Variants in ZUP1 observed in about 807,000 individuals in gnomAD.
ZUP1 encodes the protein zinc finger containing ubiquitin peptidase 1, also known as zinc finger-containing ubiquitin peptidase 1.
In ZUP1, 55 loss-of-function variants were observed where a neutral mutation model predicts 68.1. The ratio of observed to expected loss-of-function variants is 0.81; its 90% confidence interval spans 0.65 to 1.01. ZUP1 has a LOEUF of 1.01. Ranked by LOEUF, ZUP1 falls within the 50% of genes least tolerant of loss-of-function variation. The pLI is 0.00. For synonymous variants in ZUP1, 223 were observed against 221.5 expected (o/e 1.01, Z -0.06); for missense variants, 684 against 674.9 (o/e 1.01, Z -0.15).
intron 6 of ZUP1, 24 bp downstream of exon 6, chr6:116,651,980 T>C: frequency 6.2e-7 from 1 of 1,609,044 alleles, no homozygotes; most frequent in South Asian, 1.1e-5. Context: ...AGATGACAAG[T>C]TCAGAGTACT....
chr6:116,661,932 A>G (rs1776855255), intron 2 of ZUP1, among the ~76,000 whole-genome samples: 1 of 152,264 alleles, frequency 6.6e-6, no homozygotes, highest in Non-Finnish European at 1.5e-5. Context: ...ATGGAGCTAC[A>G]GTAATCCATA....
At chr6:116,641,839 C>A (rs1322291325) in intron 9 of ZUP1, among the ~76,000 whole-genome samples, 4 of 152,064 alleles carry the variant, frequency 2.6e-5, no homozygotes, top group Non-Finnish European at 4.4e-5. Flanking sequence ...TAACTAAAAT[C>A]AGAGCAGAAC....
chr6:116,658,144 T>A (rs1263068462), intron 4 of ZUP1, among the ~76,000 whole-genome samples: 2 of 152,070 alleles, frequency 1.3e-5, no homozygotes, highest in Non-Finnish European at 2.9e-5. Flanking sequence ...ATGAGCATTA[T>A]TAGCACAGAT....
chr6:116,644,025 A>G (rs1436131966), intron 9 of ZUP1, among the ~76,000 whole-genome samples: 1 of 152,230 alleles, frequency 6.6e-6, no homozygotes, highest in South Asian at 2.1e-4. Context: ...AAAAGTGGGC[A>G]AACGATATGA....
At position 116,656,847 on chromosome 6, in the gene ZUP1, T is replaced by C; in HGVS notation, c.798A>G (p.Gln266=). The change falls in exon 5 of 10, where the codon CAA becomes CAG. Residue 266 remains glutamine, a synonymous_variant. Coordinates refer to ENST00000368576, the MANE Select transcript of ZUP1 (RefSeq NM_145062.3). ...ATCCTCCAGAATTATCTAAACCATATTGTCTCTATTGAACATAAAAATAAA... is the reference window on the plus strand; with the variant it reads ...ATCCTCCAGAATTATCTAAACCATACTGTCTCTATTGAACATAAAAATAAA... ...EIEEFQKLQR[Q]YGLDNSGGYK... The C allele has an allele frequency of 4.4e-6, 7 of 1,588,674 alleles. No individual in the cohort carries two copies. Among genetic ancestry groups the C allele is most frequent in the Non-Finnish European group, 6.0e-6 (7 of 1,166,606 alleles).
At chr6:116,636,371 C>T (rs1775910395) in intron 9 of ZUP1, among the ~76,000 whole-genome samples, 1 of 152,024 alleles carries the variant, frequency 6.6e-6, no homozygotes, top group Non-Finnish European at 1.5e-5. Context: ...GCTGAGAATA[C>T]AAGGATGACA....
chr6:116,666,524 T>C lies in ZUP1; in HGVS notation c.559+110A>G, dbSNP rs1024998806. 1.6e-5 allele frequency: 12 copies of C among 771,566 alleles called. No homozygotes were observed. In the South Asian group the frequency reaches 1.8e-4, roughly 12 times the overall value. The allele number at this position is 771,566 out of a possible 1,614,324, so 47.8% of individuals were successfully genotyped here. ...AATGAAAAATGTTATAGACATAAAA[T>C]GGATTTCAAAACACATCTGTAGTAA... On this transcript the variant is annotated intron_variant, in intron 2 of 9. Transcript: ENST00000368576.
At chr6:116,650,245 A>C (rs1261589130) in intron 7 of ZUP1, among the ~76,000 whole-genome samples, 1 of 151,980 alleles carries the variant, frequency 6.6e-6, no homozygotes, top group African/African-American at 2.4e-5. Context: ...AACATGGTGA[A>C]ACCTCGTCTC....
chr6:116,667,128 A>G lies in ZUP1; in HGVS notation c.65T>C (p.Ile22Thr), dbSNP rs757135111. 6.2e-7 allele frequency: 1 copy of G among 1,612,998 alleles called. No homozygotes were observed. The highest frequency in any genetic ancestry group is 8.5e-7 in the Non-Finnish European group (1 of 1,179,470). The change falls in exon 2 of 10, where the codon ATT (isoleucine) becomes ACT (threonine). Residue 22 changes from isoleucine (I) to threonine (T), a missense_variant. Physicochemically the swap from Ile to Thr is moderately conservative, Grantham distance 89. Transcript: ENST00000368576. ...TSEPDMKAHL[I>T]VHMESEIICP... Reference sequence around the variant, plus strand: ...TATAATTTCACTTTCCATGTGAACAATTAGGTGAGCTTTCATGTCTGGTTC... The same window carrying G: ...TATAATTTCACTTTCCATGTGAACAGTTAGGTGAGCTTTCATGTCTGGTTC...
Position 116,647,574 on chromosome 6 carries a change from A to G in ZUP1, c.1353T>C (p.Pro451=), listed in dbSNP as rs1322636190. Residue 451 remains proline (P), a synonymous_variant, in exon 8 of 10, where the codon CCT becomes CCC. Coordinates refer to ENST00000368576, the MANE Select transcript of ZUP1 (RefSeq NM_145062.3). ...HIVDFHKSTG[P]LGTHPRLFEW... ...CAAATAAGCGAGGGTGTGTACCCAA[A>G]GGACCAGTTGATTTGTGAAAATCAA... 6 of 1,589,142 alleles carry G rather than the reference A, an allele frequency of 3.8e-6. No individual in the cohort carries two copies. In the African/African-American group the frequency reaches 6.7e-5, roughly 18 times the overall value.
chr6:116,657,010 C>T (rs1776689229), intron 4 of ZUP1, among the ~76,000 whole-genome samples, 158 bp from the exon 5 acceptor site: 1 of 150,026 alleles, frequency 6.7e-6, no homozygotes, highest in East Asian at 1.9e-4. Context: ...TAATAACACA[C>T]ACACACACAC....
intron 2 of ZUP1, among the ~76,000 whole-genome samples, chr6:116,665,038 T>C (rs9481653): frequency 0.37 from 55,613 of 151,916 alleles, 10,904 homozygotes; most frequent in African/African-American, 0.51. Context: ...AAAATTCAAA[T>C]ACTGCACAAA....
chr6:116,650,378 C>T (rs748481044), intron 7 of ZUP1, among the ~76,000 whole-genome samples: 48 of 143,462 alleles, frequency 3.3e-4, no homozygotes, highest in Non-Finnish European at 4.6e-4. Flanking sequence ...GCCAAGATCA[C>T]GCCACTGCAC....
At chr6:116,651,906 T>C (rs774180527) in intron 6 of ZUP1, 98 bp downstream of exon 6, 12 of 1,414,710 alleles carry the variant, frequency 8.5e-6, no homozygotes, top group Middle Eastern at 1.9e-4. Context: ...TATATAAATA[T>C]CCACTAACTG....
At chr6:116,641,393 T>A (rs966633371) in intron 9 of ZUP1, among the ~76,000 whole-genome samples, 3 of 152,132 alleles carry the variant, frequency 2.0e-5, no homozygotes, top group African/African-American at 7.2e-5. Context: ...TACTTTTTTT[T>A]CAGCACCACA....
intron 7 of ZUP1, among the ~76,000 whole-genome samples, chr6:116,648,077 T>C (rs1776369078): frequency 6.6e-6 from 1 of 152,220 alleles, no homozygotes; most frequent in African/African-American, 2.4e-5. Context: ...AAATAGATCC[T>C]AAATACTTTT....
At chr6:116,646,017 A>C in intron 8 of ZUP1, 83 bp from the exon 9 acceptor site, 2 of 955,244 alleles carry the variant, frequency 2.1e-6, no homozygotes, top group South Asian at 3.5e-5. Context: ...TTGTGTGATC[A>C]TATGTGTGTT....
At chr6:116,648,146 T>C (rs554951679) in intron 7 of ZUP1, among the ~76,000 whole-genome samples, 5 of 152,316 alleles carry the variant, frequency 3.3e-5, no homozygotes, top group African/African-American at 1.2e-4. Context: ...GAAAAATGTG[T>C]GTGTACTCAA....
At chr6:116,642,817 A>G (rs369779897) in intron 9 of ZUP1, among the ~76,000 whole-genome samples, 5 of 151,902 alleles carry the variant, frequency 3.3e-5, no homozygotes, top group African/African-American at 9.7e-5. Context: ...ATTCAACATA[A>G]TGTTGGAAGT....
Sources: allele counts gnomAD v4.1 joint callset (sites outside exome capture counted in the v4.1 genomes callset), GRCh38; gene constraint gnomAD v4.1.1; transcripts MANE v1.5; gene names NCBI Gene and HGNC (gene_info 2026-07-23, HGNC 2026-07-21).